SLC9A9: variants seen among roughly 807,000 people sequenced by gnomAD.
The protein encoded by SLC9A9 is solute carrier family 9 member A9, also known as sodium/hydrogen exchanger 9.
In SLC9A9, 62 loss-of-function variants were observed where a neutral mutation model predicts 77.8. The observed-to-expected ratio is 0.80, with a 90% CI of 0.65 to 0.98. The LOEUF (loss-of-function observed/expected upper bound fraction) is 0.98, where lower values mean the gene tolerates loss of function less well. Among genes scored for constraint, SLC9A9 ranks in the 50% least tolerant of loss-of-function variants. The probability of loss-of-function intolerance (pLI) is 0.00; values close to 1 mark genes in which losing one functional copy is unlikely to be tolerated. For synonymous variants in SLC9A9, 320 were observed against 283.5 expected (o/e 1.13, Z -1.29); for missense variants, 775 against 774.9 (o/e 1.00, Z 0.00).
At chr3:143,685,048 A>G (rs983303104) in intron 5 of SLC9A9, among the ~76,000 whole-genome samples, 6 of 152,086 alleles carry the variant, frequency 3.9e-5, no homozygotes, top group Admixed American at 3.3e-4. Flanking sequence ...TCATTTCCAT[A>G]TATCTTTATA....
chr3:143,705,041 A>ATCTATCTATATATC (rs765935008), intron 4 of SLC9A9, among the ~76,000 whole-genome samples: 5 of 60,212 alleles, frequency 8.3e-5, no homozygotes, highest in African/African-American at 2.8e-4. Flanking sequence ...CTATCTATCT[A>ATCTATCTATATATC]TATAGATATA....
intron 12 of SLC9A9, among the ~76,000 whole-genome samples, chr3:143,463,750 T>C (rs838618): frequency 0.23 from 34,707 of 152,176 alleles, 5,139 homozygotes; most frequent in Non-Finnish European, 0.34. Context: ...CATTTTATGA[T>C]TATTTTTAAA....
At chr3:143,403,848 G>A (rs1001156470) in intron 12 of SLC9A9, among the ~76,000 whole-genome samples, 4 of 152,148 alleles carry the variant, frequency 2.6e-5, no homozygotes, top group Non-Finnish European at 4.4e-5. Context: ...TCTTGAAGGT[G>A]TGGATTGATT....
At chr3:143,490,136 A>C (rs1372608095) in intron 11 of SLC9A9, among the ~76,000 whole-genome samples, 1 of 152,134 alleles carries the variant, frequency 6.6e-6, no homozygotes, top group Non-Finnish European at 1.5e-5. Context: ...TTCAAAATAG[A>C]ATTACTATAT....
intron 14 of SLC9A9, among the ~76,000 whole-genome samples, chr3:143,322,692 C>A (rs762461854): frequency 5.3e-5 from 8 of 152,144 alleles, no homozygotes; most frequent in Admixed American, 1.3e-4. Flanking sequence ...TGTGTTCAAA[C>A]CAGAAACTCC....
chr3:143,545,097 T>A (rs1393648600), intron 9 of SLC9A9, among the ~76,000 whole-genome samples: 2 of 152,236 alleles, frequency 1.3e-5, no homozygotes, highest in Non-Finnish European at 2.9e-5. Flanking sequence ...TCAATTTGGG[T>A]AACTTCATGC....
At chr3:143,794,873 T>A in intron 4 of SLC9A9, 128 bp downstream of exon 4, 1 of 841,304 alleles carries the variant, frequency 1.2e-6, no homozygotes, top group Non-Finnish European at 2.0e-6. Flanking sequence ...AGAAAAAACA[T>A]ACAAATATGT....
intron 12 of SLC9A9, among the ~76,000 whole-genome samples, chr3:143,386,196 GA>G (rs1279414417): frequency 6.6e-6 from 1 of 152,150 alleles, no homozygotes; most frequent in Non-Finnish European, 1.5e-5. Flanking sequence ...CTCCCAAATA[GA>G]ATCCCTTCTG....
chr3:143,539,972 G>C (rs151039070), intron 9 of SLC9A9, among the ~76,000 whole-genome samples: 1 of 151,892 alleles, frequency 6.6e-6, no homozygotes, highest in Non-Finnish European at 1.5e-5. Flanking sequence ...CCATGATTTG[G>C]GGGAAAATAT....
At chr3:143,585,753 A>G (rs1296370266) in intron 6 of SLC9A9, among the ~76,000 whole-genome samples, 3 of 152,198 alleles carry the variant, frequency 2.0e-5, no homozygotes, top group Admixed American at 6.5e-5. Context: ...CATACTCTCA[A>G]GGCACATCAA....
chr3:143,742,268 C>A (rs1351771182), intron 4 of SLC9A9, among the ~76,000 whole-genome samples: 1 of 152,150 alleles, frequency 6.6e-6, no homozygotes, highest in Admixed American at 6.5e-5. Flanking sequence ...CACTGGCTTC[C>A]CCCAACCCAC....
chr3:143,402,123 T>C lies in SLC9A9; in HGVS notation c.1470-20009A>G, dbSNP rs79483619. 7.8e-3 allele frequency among the ~76,000 whole-genome samples: 1,193 copies of C among 152,182 alleles called. 16 individuals carry two copies. Among genetic ancestry groups the C allele is most frequent in the African/African-American group, 0.027 (1,115 of 41,528 alleles). ...CATGTCATTTTAAAGATAAGAACAC[T>C]GAGACCCACAAAGATTAGCTAATTT... On this transcript the variant is annotated intron_variant, in intron 12 of 15. Coordinates refer to ENST00000316549, the MANE Select transcript of SLC9A9 (RefSeq NM_173653.4).
chr3:143,373,605 T>A (rs201589429), intron 13 of SLC9A9, among the ~76,000 whole-genome samples: 251 of 58,556 alleles, frequency 4.3e-3, no homozygotes, highest in Admixed American at 5.4e-3. Flanking sequence ...ACTGAAATAG[T>A]AAAAAAAAAA....
intron 14 of SLC9A9, among the ~76,000 whole-genome samples, chr3:143,302,989 C>G (rs1384599135): frequency 1.3e-5 from 2 of 152,214 alleles, no homozygotes; most frequent in Admixed American, 6.5e-5. Flanking sequence ...TCTTGGCAGC[C>G]TTCCCTGCCC....
At chr3:143,398,099 C>T (rs2033770601) in intron 12 of SLC9A9, among the ~76,000 whole-genome samples, 1 of 151,944 alleles carries the variant, frequency 6.6e-6, no homozygotes, top group South Asian at 2.1e-4. Flanking sequence ...TCTGAACTTC[C>T]CCCCCGCCAC....
intron 4 of SLC9A9, among the ~76,000 whole-genome samples, chr3:143,759,895 A>G (rs940777624): frequency 6.6e-6 from 1 of 152,090 alleles, no homozygotes; most frequent in African/African-American, 2.4e-5. Context: ...TCCATCATCT[A>G]TTAGAAAGAC....
In SLC9A9 at chr3:143,434,650, C is replaced by A. The variant is rs9846333; in HGVS notation, c.1469+32387G>T. 5.2e-4 allele frequency among the ~76,000 whole-genome samples: 79 copies of A among 152,136 alleles called. 2 individuals are homozygous for A. The highest frequency in any genetic ancestry group is 1.5e-3 in the African/African-American group (64 of 41,530). On this transcript the variant is annotated intron_variant, in intron 12 of 15. Coordinates refer to ENST00000316549, the MANE Select transcript of SLC9A9 (RefSeq NM_173653.4). Reference sequence around the variant, plus strand: ...CTGAAACACCTCCGGCCCATCCCCCCCATCTCACAGCTACTGCCCTAGGTC... The same window carrying A: ...CTGAAACACCTCCGGCCCATCCCCCACATCTCACAGCTACTGCCCTAGGTC...
chr3:143,430,985 C>T (rs775486733), intron 12 of SLC9A9, among the ~76,000 whole-genome samples: 8 of 152,206 alleles, frequency 5.3e-5, no homozygotes, highest in Non-Finnish European at 8.8e-5. Flanking sequence ...AAAAGAGCCT[C>T]ATCACTGATT....
At chr3:143,290,830 C>A (rs945265355) in intron 14 of SLC9A9, among the ~76,000 whole-genome samples, 1 of 152,194 alleles carries the variant, frequency 6.6e-6, no homozygotes, top group Non-Finnish European at 1.5e-5. Flanking sequence ...CAGCACCTAT[C>A]CCCTGTATCT....
Sources: gnomAD v4.1 joint callset for allele counts (sites outside exome capture counted in the v4.1 genomes callset) on GRCh38, gnomAD v4.1.1 for gene constraint, MANE v1.5 for transcripts, NCBI Gene and HGNC (gene_info 2026-07-23, HGNC 2026-07-21) for gene names.